The following DNAH12 variants were observed in gnomAD, a reference collection of about 807,000 sequenced individuals.
The protein encoded by DNAH12 is axonemal beta dynein heavy chain 12.
DNAH12 carries 285 observed loss-of-function variants against 371.5 expected under a neutral mutation model. The ratio of observed to expected loss-of-function variants is 0.77; its 90% confidence interval spans 0.70 to 0.85. The LOEUF (loss-of-function observed/expected upper bound fraction) is 0.85, where lower values mean the gene tolerates loss of function less well. Ranked by LOEUF, DNAH12 falls within the 40% of genes least tolerant of loss-of-function variation. DNAH12 has a pLI of 0.00. For synonymous variants in DNAH12, 1,200 were observed against 1,213.0 expected (o/e 0.99, Z 0.22); for missense variants, 3,611 against 3,689.4 (o/e 0.98, Z 0.55).
At chr3:57,519,229 T>C (rs1031865066) in intron 4 of DNAH12, among the ~76,000 whole-genome samples, 1 of 152,228 alleles carries the variant, frequency 6.6e-6, no homozygotes, top group African/African-American at 2.4e-5. Flanking sequence ...ATCTTTCTTT[T>C]TGGGAGGAGG....
At chr3:57,535,383 G>GCT (rs970496667) in intron 2 of DNAH12, among the ~76,000 whole-genome samples, 5 of 152,136 alleles carry the variant, frequency 3.3e-5, no homozygotes, top group Non-Finnish European at 7.4e-5. Flanking sequence ...ATAAAAGCAA[G>GCT]CTCTCTCTGA....
the DNAH12 span, among the ~76,000 whole-genome samples, chr3:57,554,759 G>A: frequency 0.17 from 26,073 of 151,714 alleles, 2,530 homozygotes; most frequent in African/African-American, 0.23. Context: ...GGGATTACAG[G>A]TGTGCGCCAC....
intron 46 of DNAH12, 39 bp downstream of exon 46, chr3:57,387,047 A>T (rs2063511323): frequency 6.6e-6 from 1 of 152,210 alleles, no homozygotes; most frequent in Non-Finnish European, 1.5e-5. Flanking sequence ...GGCCTTCACA[A>T]ATCCCTTCAT....
chr3:57,429,461 C>T (rs1316638620), intron 33 of DNAH12, among the ~76,000 whole-genome samples: 2 of 152,190 alleles, frequency 1.3e-5, no homozygotes, highest in Non-Finnish European at 2.9e-5. Flanking sequence ...CAGGCGTGAG[C>T]CACCGTGCCC....
chr3:57,362,198 ATTC>A (rs2062952825), intron 58 of DNAH12, among the ~76,000 whole-genome samples: 7 of 152,150 alleles, frequency 4.6e-5, no homozygotes, highest in Admixed American at 4.6e-4. Context: ...ACACGAACTC[ATTC>A]TTTTTTATGG....
intron 55 of DNAH12, among the ~76,000 whole-genome samples, chr3:57,373,473 C>A (rs1301727581): frequency 4.3e-5 from 6 of 139,422 alleles, no homozygotes; most frequent in African/African-American, 1.4e-4. Context: ...CACCACCACA[C>A]CTGGCTAATT....
At chr3:57,533,270 C>T (rs1019511669) in intron 2 of DNAH12, among the ~76,000 whole-genome samples, 1 of 151,970 alleles carries the variant, frequency 6.6e-6, no homozygotes. Context: ...CCAGAAATGC[C>T]ATCCAAGAGC....
intron 42 of DNAH12, among the ~76,000 whole-genome samples, chr3:57,403,727 T>C (rs1047163490): frequency 6.6e-6 from 1 of 152,168 alleles, no homozygotes; most frequent in African/African-American, 2.4e-5. Flanking sequence ...ATTCAGGAAA[T>C]TTGATATACA....
In DNAH12 at chr3:57,369,250, A is replaced by T. The variant is rs1027752909; in HGVS notation, c.8760-990T>A. Among the ~76,000 whole-genome samples the T allele has an allele frequency of 7.0e-4, 103 of 146,262 alleles. 1 individual carries two copies. Among genetic ancestry groups the T allele is most frequent in the African/African-American group, 2.1e-3 (84 of 40,440 alleles). ...AAAAATATATATATATATATATATA[A>T]AACTGTATTTAATTATATATATAAT... On this transcript the variant is annotated intron_variant, in intron 55 of 73. Transcript: ENST00000495027.
chr3:57,317,240 T>G (rs2061705857), intron 65 of DNAH12, among the ~76,000 whole-genome samples: 1 of 152,234 alleles, frequency 6.6e-6, no homozygotes, highest in South Asian at 2.1e-4. Flanking sequence ...GTAAAACATT[T>G]AACATGAAAT....
chr3:57,333,247 G>C (rs867120450), intron 62 of DNAH12, among the ~76,000 whole-genome samples: 6 of 150,938 alleles, frequency 4.0e-5, no homozygotes, highest in Non-Finnish European at 7.4e-5. Context: ...CTGACCTAGC[G>C]ATCCACCCAC....
chr3:57,302,542 T>TC lies in DNAH12; in HGVS notation c.11190-604_11190-603insG, dbSNP rs1559535217. ...AAGGCATCAGGTGTATATATATATATATATATATATATATATATATATGTA... is the reference window on the plus strand; with the variant it reads ...AAGGCATCAGGTGTATATATATATATCATATATATATATATATATATATGTA... On this transcript the variant is annotated intron_variant, in intron 69 of 73. Coordinates refer to ENST00000495027, the MANE Select transcript of DNAH12 (RefSeq NM_001366028.2). Among the ~76,000 whole-genome samples, 138 of 93,326 alleles carry TC rather than the reference T, an allele frequency of 1.5e-3. 7 individuals carry two copies. Among genetic ancestry groups the TC allele is most frequent in the African/African-American group, 5.2e-3 (135 of 25,932 alleles). 61.2% of individuals were successfully genotyped at this position (93,326 alleles called of 152,430 possible). A position where few individuals can be genotyped will look rare whatever the true frequency, so the allele number is the denominator to read the frequency against.
Position 57,483,443 on chromosome 3 carries a change from A to G in DNAH12, c.1583T>C (p.Met528Thr). 6.4e-7 allele frequency: 1 copy of G among 1,551,470 alleles called. No individual in the cohort carries two copies. Among genetic ancestry groups the G allele is most frequent in the South Asian group, 1.2e-5 (1 of 83,986 alleles). The change falls in exon 13 of 74, where the codon ATG (methionine) becomes ACG (threonine). Residue 528 changes from methionine to threonine, a missense_variant. Met to Thr is a moderately conservative substitution (Grantham distance 81, BLOSUM62 -1). This residue lies in a region of DNAH12 where 1,314 missense variants were observed against 1,398.7 expected (regional missense o/e 0.94). Coordinates refer to ENST00000495027, the MANE Select transcript of DNAH12 (RefSeq NM_001366028.2). Reference protein sequence around the residue: ...LKVPETTEEMMDLISYVEKAR... With the variant: ...LKVPETTEEMTDLISYVEKAR... ...TTTTTCTACATAAGATATCAGATCC[A>G]TCATCTCTTCTGTTGTTTCAGGGAC...
intron 4 of DNAH12, chr3:57,520,024 A>G (rs1001940737): frequency 6.7e-6 from 5 of 743,794 alleles, no homozygotes; most frequent in East Asian, 2.8e-5. Context: ...AGCGCCGCGG[A>G]GCCGATGGCC....
At chr3:57,515,705 G>A (rs558720574) in intron 4 of DNAH12, among the ~76,000 whole-genome samples, 5 of 151,768 alleles carry the variant, frequency 3.3e-5, no homozygotes, top group East Asian at 3.9e-4. Context: ...ATGAATAAGC[G>A]AAGAAAAATA....
In DNAH12 at chr3:57,445,243, T is replaced by A; in HGVS notation, c.4356A>T (p.Ala1452=). The change falls in exon 28 of 74, where the codon GCA becomes GCT. Residue 1452 remains alanine (A), a synonymous_variant. Coordinates refer to ENST00000495027, the MANE Select transcript of DNAH12 (RefSeq NM_001366028.2). ...CAGCAGCCACTAAAACGGCTTTTACTGCTCGCATTCCATAGTCGTAATGAA... is the reference window on the plus strand; with the variant it reads ...CAGCAGCCACTAAAACGGCTTTTACAGCTCGCATTCCATAGTCGTAATGAA... ...SQFHYDYGMR[A]VKAVLVAAGN... 1 of 1,551,348 alleles carries A rather than the reference T, an allele frequency of 6.4e-7. No individual in the cohort carries two copies. Among genetic ancestry groups the A allele is most frequent in the Non-Finnish European group, 8.7e-7 (1 of 1,146,764 alleles).
intron 29 of DNAH12, among the ~76,000 whole-genome samples, chr3:57,439,537 A>G (rs1422453104): frequency 6.6e-6 from 1 of 152,206 alleles, no homozygotes; most frequent in East Asian, 1.9e-4. Context: ...ATATACAAAA[A>G]TTAACTCAAT....
rs1209955677 is a variant in DNAH12 at position 57,525,891 on chromosome 3, AG to A, written c.171-2008del. Among the ~76,000 whole-genome samples the A allele has an allele frequency of 4.0e-5, 6 of 150,446 alleles. No homozygotes were observed. The Admixed American group carries it at 4.0e-4, about 10-fold the overall frequency. ...ATTCTCCTGCCTCAGCCTCCCAAGT[AG>A]CTGGGATTATAGGCTCAGGCTACCA... On this transcript the variant is annotated intron_variant, in intron 2 of 73. Transcript: ENST00000495027.
intron 57 of DNAH12, among the ~76,000 whole-genome samples, chr3:57,365,870 T>C (rs1359718329): frequency 1.3e-5 from 2 of 151,000 alleles, no homozygotes; most frequent in Non-Finnish European, 2.9e-5. Flanking sequence ...CACATATATA[T>C]ATATATATAA....
Sources: allele counts gnomAD v4.1 joint callset (sites outside exome capture counted in the v4.1 genomes callset), GRCh38; gene constraint gnomAD v4.1.1; regional missense constraint gnomAD v4.1.1; transcripts MANE v1.5; gene names NCBI Gene and HGNC (gene_info 2026-07-23, HGNC 2026-07-21).